Variants in PRKG2 observed in about 807,000 individuals in gnomAD.
PRKG2 encodes protein kinase cGMP-dependent 2.
In PRKG2, 33 loss-of-function variants were observed where a neutral mutation model predicts 97.2. The ratio of observed to expected loss-of-function variants is 0.34; its 90% CI spans 0.26 to 0.45. The LOEUF (loss-of-function observed/expected upper bound fraction) is 0.45. Among genes scored for constraint, PRKG2 ranks in the 20% least tolerant of loss-of-function variants. The pLI, the probability that PRKG2 is intolerant of heterozygous loss-of-function variation, is 1.00. For missense variants in PRKG2, 638 were observed against 900.0 expected (o/e 0.71, Z 3.73); for synonymous variants, 330 against 321.8 (o/e 1.03, Z -0.27).
intron 6 of PRKG2, among the ~76,000 whole-genome samples, chr4:81,154,991 G>A (rs1457015819): frequency 6.6e-6 from 1 of 151,828 alleles, no homozygotes; most frequent in African/African-American, 2.4e-5. Context: ...CGGCTAACAC[G>A]GTGAAACCCC....
intron 9 of PRKG2, among the ~76,000 whole-genome samples, chr4:81,148,295 G>A (rs7688672): frequency 0.38 from 58,304 of 151,938 alleles, 17,153 homozygotes; most frequent in African/African-American, 0.81. Flanking sequence ...GAAATATTGA[G>A]TTGATTAATG....
intron 2 of PRKG2, 126 bp downstream of exon 2, chr4:81,204,461 A>T (rs1753518003): frequency 9.1e-7 from 1 of 1,095,524 alleles, no homozygotes; most frequent in Non-Finnish European, 1.3e-6. Context: ...CATTTCAAAA[A>T]CCCCTCTACC....
intron 15 of PRKG2, among the ~76,000 whole-genome samples, chr4:81,107,407 A>G (rs528345604): frequency 5.3e-5 from 8 of 152,330 alleles, no homozygotes; most frequent in Admixed American, 2.0e-4. Context: ...GTTGAGAGGT[A>G]GGAAGATGAA....
At chr4:81,145,580 A>G (rs1383994904) in intron 9 of PRKG2, among the ~76,000 whole-genome samples, 2 of 152,076 alleles carry the variant, frequency 1.3e-5, no homozygotes, top group Non-Finnish European at 2.9e-5. Flanking sequence ...TCTCCTGTCC[A>G]TGATCACTGG....
At chr4:81,190,879 TGA>T (rs1445896115) in intron 2 of PRKG2, among the ~76,000 whole-genome samples, 1 of 152,026 alleles carries the variant, frequency 6.6e-6, no homozygotes, top group Non-Finnish European at 1.5e-5. Flanking sequence ...AAAACCACAA[TGA>T]GATGCCATCT....
At chr4:81,205,204 C>CAAA in intron 1 of PRKG2, 144 bp from the exon 2 acceptor site, 1 of 547,678 alleles carries the variant, frequency 1.8e-6, no homozygotes, top group Non-Finnish European at 3.0e-6. Context: ...CCGAAGTTTC[C>CAAA]AGAAAAAAAA....
intron 11 of PRKG2, 59 bp from the exon 12 acceptor site, chr4:81,140,728 A>C: frequency 1.4e-6 from 2 of 1,433,316 alleles, no homozygotes; most frequent in Non-Finnish European, 1.9e-6. Context: ...AAACACACTA[A>C]TCAATGAGAG....
At chr4:81,101,434 G>A (rs1185150031) in intron 17 of PRKG2, among the ~76,000 whole-genome samples, 2 of 151,972 alleles carry the variant, frequency 1.3e-5, no homozygotes, top group Admixed American at 1.3e-4. Flanking sequence ...GATGAAGCTG[G>A]AAACCATCAT....
At position 81,144,340 on chromosome 4, in the gene PRKG2, T is replaced by G. The variant is rs1333653354; in HGVS notation, c.1155-10A>C. ...AGTTTGGTTGAATGTTCTAAATAGA[T>G]AGAATAAAGTAAAATGCTCCGTGCT... On this transcript the variant is annotated splice_polypyrimidine_tract_variant and intron_variant, in intron 9 of 18. Transcript: ENST00000264399. The G allele has an allele frequency of 4.4e-6, 7 of 1,586,434 alleles. No individual in the cohort carries two copies. The highest frequency in any genetic ancestry group is 5.2e-6 in the Non-Finnish European group (6 of 1,155,320).
At chr4:81,153,418 C>A in intron 7 of PRKG2, 1 of 407,092 alleles carries the variant, frequency 2.5e-6, no homozygotes, top group Non-Finnish European at 4.4e-6. Flanking sequence ...CCCAAAAAAT[C>A]AAGTGACCTA....
intron 6 of PRKG2, among the ~76,000 whole-genome samples, chr4:81,156,342 T>G (rs930171664): frequency 5.3e-5 from 8 of 152,124 alleles, no homozygotes; most frequent in African/African-American, 1.9e-4. Context: ...AAGGCCATTA[T>G]TTAATGGTAA....
intron 14 of PRKG2, among the ~76,000 whole-genome samples, chr4:81,130,923 A>G (rs1291817657): frequency 1.3e-5 from 2 of 152,070 alleles, no homozygotes; most frequent in Non-Finnish European, 2.9e-5. Context: ...GCTTGTCCCC[A>G]TGGGGGTGGG....
At chr4:81,105,412 G>A (rs1743225335) in intron 16 of PRKG2, among the ~76,000 whole-genome samples, 1 of 151,928 alleles carries the variant, frequency 6.6e-6, no homozygotes, top group African/African-American at 2.4e-5. Context: ...TTTGTGTCTG[G>A]CTTATTTCAC....
chr4:81,115,431 T>A (rs149980904), intron 14 of PRKG2, among the ~76,000 whole-genome samples: 8 of 152,194 alleles, frequency 5.3e-5, no homozygotes, highest in Non-Finnish European at 1.2e-4. Context: ...TCTTCAGAAA[T>A]GTGTTGTCTA....
At chr4:81,142,440 T>C (rs567082179) in intron 11 of PRKG2, among the ~76,000 whole-genome samples, 2 of 152,348 alleles carry the variant, frequency 1.3e-5, no homozygotes, top group South Asian at 4.1e-4. Flanking sequence ...CTTTAGTGTA[T>C]AGAGACTAAA....
Position 81,097,481 on chromosome 4 carries a change from T to C in PRKG2, c.2127-5029A>G, listed in dbSNP as rs147968019. Among the ~76,000 whole-genome samples, 226 of 152,282 alleles carry C rather than the reference T, an allele frequency of 1.5e-3. 2 individuals are homozygous for C. The highest frequency in any genetic ancestry group is 4.9e-3 in the African/African-American group (203 of 41,562). ...GGATTTTTAGAATGGCAAATGAGCA[T>C]TGACTTCAAGTCACCAGCTGTATTC... is the stretch of plus-strand genomic sequence containing the variant. On this transcript the variant is annotated intron_variant, in intron 17 of 18. Transcript: ENST00000264399.
chr4:81,110,410 T>G, intron 15 of PRKG2, 38 bp downstream of exon 15: 1 of 1,582,554 alleles, frequency 6.3e-7, no homozygotes, highest in South Asian at 1.2e-5. Flanking sequence ...TTTGCATTTC[T>G]CTGAAGAGGT....
chr4:81,121,665 T>C (rs1745083556), intron 14 of PRKG2, among the ~76,000 whole-genome samples: 1 of 152,214 alleles, frequency 6.6e-6, no homozygotes, highest in Non-Finnish European at 1.5e-5. Context: ...CCATGAAATA[T>C]ATGGAATTCA....
At chr4:81,127,297 G>A (rs947717808) in intron 14 of PRKG2, among the ~76,000 whole-genome samples, 20 of 152,164 alleles carry the variant, frequency 1.3e-4, no homozygotes, top group African/African-American at 4.6e-4. Flanking sequence ...AAGTCAGGTA[G>A]CATGATGCCT....
Sources: allele counts gnomAD v4.1 joint callset (sites outside exome capture counted in the v4.1 genomes callset), GRCh38; gene constraint gnomAD v4.1.1; transcripts MANE v1.5; gene names NCBI Gene and HGNC (gene_info 2026-07-23, HGNC 2026-07-21).